Variants in ANKS1B observed in about 807,000 individuals in gnomAD.
The protein encoded by ANKS1B is ankyrin repeat and sterile alpha motif domain containing 1B, also known as ankyrin repeat and sterile alpha motif domain-containing protein 1B.
ANKS1B carries 36 observed loss-of-function variants against 148.3 expected under a neutral mutation model. The ratio of observed to expected loss-of-function variants is 0.24; its 90% CI spans 0.19 to 0.32. The LOEUF (loss-of-function observed/expected upper bound fraction) is 0.32. Ranked by LOEUF, ANKS1B falls within the 10% of genes least tolerant of loss-of-function variation. The pLI, the probability that ANKS1B is intolerant of heterozygous loss-of-function variation, is 1.00. For missense variants in ANKS1B, 1,157 were observed against 1,542.6 expected, an observed-to-expected ratio of 0.75 and a Z score of 4.19; for synonymous variants, 542 against 560.8, an observed-to-expected ratio of 0.97 and a Z score of 0.47.
chr12:99,503,754 G>C (rs2096678765), intron 10 of ANKS1B, among the ~76,000 whole-genome samples: 1 of 151,036 alleles, frequency 6.6e-6, no homozygotes, highest in Non-Finnish European at 1.5e-5. Context: ...AGTAAGTTGC[G>C]ACTGCATTAC....
chr12:98,772,813 T>G (rs1241439882), intron 25 of ANKS1B, among the ~76,000 whole-genome samples: 1 of 152,124 alleles, frequency 6.6e-6, no homozygotes, highest in Non-Finnish European at 1.5e-5. Flanking sequence ...GACACATTGG[T>G]CTTACACTTC....
chr12:99,919,622 C>T (rs2094286995), intron 1 of ANKS1B, among the ~76,000 whole-genome samples: 1 of 152,110 alleles, frequency 6.6e-6, no homozygotes, highest in South Asian at 2.1e-4. Context: ...GCAATATCTC[C>T]AGGATACCAT....
At chr12:99,759,357 T>C (rs570349686) in intron 8 of ANKS1B, among the ~76,000 whole-genome samples, 2 of 151,968 alleles carry the variant, frequency 1.3e-5, no homozygotes, top group Non-Finnish European at 2.9e-5. Context: ...GATTCTATCA[T>C]AGAGAATCCC....
chr12:99,870,353 C>T (rs1167222306), intron 1 of ANKS1B, among the ~76,000 whole-genome samples: 2 of 152,280 alleles, frequency 1.3e-5, no homozygotes, highest in South Asian at 2.1e-4. Context: ...ACAGGCACCT[C>T]GGTTGATTCC....
At chr12:99,739,504 C>G (rs2059905225) in intron 8 of ANKS1B, among the ~76,000 whole-genome samples, 1 of 152,060 alleles carries the variant, frequency 6.6e-6, no homozygotes. Flanking sequence ...TCTTAAGTTT[C>G]AGTTTTATAA....
At chr12:98,773,304 C>A in intron 24 of ANKS1B, 125 bp from the exon 25 acceptor site, 4 of 1,044,750 alleles carry the variant, frequency 3.8e-6, no homozygotes, top group Non-Finnish European at 4.0e-6. Context: ...TAGCAACACT[C>A]AAAGTGGTCC....
At chr12:99,567,231 C>T (rs967509363) in intron 9 of ANKS1B, among the ~76,000 whole-genome samples, 3 of 152,100 alleles carry the variant, frequency 2.0e-5, no homozygotes, top group African/African-American at 7.2e-5. Context: ...AGGCAGTTTA[C>T]AAAATGATTC....
chr12:99,613,442 G>T (rs1186965208), intron 9 of ANKS1B, among the ~76,000 whole-genome samples: 1 of 151,866 alleles, frequency 6.6e-6, no homozygotes, highest in Non-Finnish European at 1.5e-5. Flanking sequence ...CAAAAACTTG[G>T]AATCAACCCA....
chr12:99,245,807 T>C (rs1274949814), intron 13 of ANKS1B, among the ~76,000 whole-genome samples: 2 of 152,240 alleles, frequency 1.3e-5, no homozygotes, highest in Non-Finnish European at 2.9e-5. Flanking sequence ...GTGTGTTTAT[T>C]GTATGGTGGC....
chr12:99,679,347 C>G (rs1021776817), intron 8 of ANKS1B, among the ~76,000 whole-genome samples: 6 of 152,140 alleles, frequency 3.9e-5, no homozygotes, highest in Non-Finnish European at 8.8e-5. Flanking sequence ...CTGGCTAGGT[C>G]ACCCAGGCTG....
chr12:99,360,918 C>A (rs1593074046), intron 12 of ANKS1B, among the ~76,000 whole-genome samples: 2 of 152,006 alleles, frequency 1.3e-5, no homozygotes, highest in East Asian at 1.9e-4. Context: ...CAATTGAACT[C>A]ATGCATATAA....
chr12:98,849,247 T>C (rs2099508104), intron 17 of ANKS1B, among the ~76,000 whole-genome samples: 1 of 152,120 alleles, frequency 6.6e-6, no homozygotes, highest in Non-Finnish European at 1.5e-5. Context: ...TTTTTTTATT[T>C]AGATTTAGTC....
At chr12:99,290,305 G>A (rs188074902) in intron 12 of ANKS1B, among the ~76,000 whole-genome samples, 25 of 146,042 alleles carry the variant, frequency 1.7e-4, no homozygotes, top group Middle Eastern at 3.6e-3. Context: ...AAAAAAAGGC[G>A]TGGACCTGAT....
chr12:99,327,339 ATAT>A lies in ANKS1B; in HGVS notation c.1756+72289_1756+72291del, dbSNP rs563657087. 2.5e-4 allele frequency among the ~76,000 whole-genome samples: 32 copies of A among 127,774 alleles called. No homozygotes were observed. In the South Asian group the frequency reaches 6.0e-3, roughly 24 times the overall value. The allele number at this position is 127,774 out of a possible 152,430, so 83.8% of individuals were successfully genotyped here. A position where few individuals can be genotyped will look rare whatever the true frequency, so the allele number is the denominator to read the frequency against. ...ATAATTACATATTATATATAATTAT[ATAT>A]TATAATTACATATTATATATAATTA... On this transcript the variant is annotated intron_variant, in intron 12 of 26. Transcript: ENST00000683438.
At chr12:99,375,222 G>A (rs867565370) in intron 12 of ANKS1B, among the ~76,000 whole-genome samples, 2 of 152,170 alleles carry the variant, frequency 1.3e-5, no homozygotes, top group Non-Finnish European at 2.9e-5. Flanking sequence ...GTACATTGTA[G>A]GATGTTTTCA....
intron 19 of ANKS1B, among the ~76,000 whole-genome samples, chr12:98,827,564 C>T (rs1001329130): frequency 6.6e-6 from 1 of 152,158 alleles, no homozygotes; most frequent in Non-Finnish European, 1.5e-5. Flanking sequence ...GGTACTACTG[C>T]CCCTGCTTTC....
intron 12 of ANKS1B, 75 bp downstream of exon 12, chr12:99,399,556 C>T (rs2094347510): frequency 4.0e-6 from 6 of 1,483,802 alleles, no homozygotes; most frequent in Non-Finnish European, 5.5e-6. Flanking sequence ...TACGAAGACT[C>T]CTCCTAATTC....
intron 15 of ANKS1B, among the ~76,000 whole-genome samples, chr12:99,127,012 A>G (rs559193894): frequency 1.3e-5 from 2 of 152,338 alleles, no homozygotes; most frequent in African/African-American, 4.8e-5. Context: ...GGAGATTATT[A>G]GAACTTAGAA....
chr12:99,685,856 T>C lies in ANKS1B; in HGVS notation c.1129-30646A>G, dbSNP rs114680731. On this transcript the variant is annotated intron_variant, in intron 8 of 26. Transcript: ENST00000683438. ...GCAACCTGGATGGAGTTGGAGACCA[T>C]TACCTTGAGTGAAGTAACTCAGAAA... 4.9e-3 allele frequency among the ~76,000 whole-genome samples: 740 copies of C among 152,156 alleles called. 8 individuals are homozygous for C. Among genetic ancestry groups the C allele is most frequent in the African/African-American group, 0.017 (697 of 41,508 alleles).
Sources: allele counts gnomAD v4.1 joint callset (sites outside exome capture counted in the v4.1 genomes callset), GRCh38; gene constraint gnomAD v4.1.1; transcripts MANE v1.5; gene names NCBI Gene and HGNC (gene_info 2026-07-23, HGNC 2026-07-21).